RNF13: variants seen among roughly 807,000 people sequenced by gnomAD.
The protein encoded by RNF13 is ring finger protein 13.
RNF13 carries 19 observed loss-of-function variants against 37.7 expected under a neutral mutation model. The observed-to-expected ratio is 0.50, with a 90% CI of 0.35 to 0.74. RNF13 has a LOEUF of 0.74. Ranked by LOEUF, RNF13 falls within the 30% of genes least tolerant of loss-of-function variation. The probability of loss-of-function intolerance (pLI) is 0.01; values close to 1 mark genes in which losing one functional copy is unlikely to be tolerated. For synonymous variants in RNF13, 144 were observed against 157.8 expected, an observed-to-expected ratio of 0.91 and a Z score of 0.65; for missense variants, 375 against 453.0, an observed-to-expected ratio of 0.83 and a Z score of 1.56.
At chr3:149,812,931 C>T (rs554547843), upstream of RNF13, 72 of 152,784 alleles carry the variant, frequency 4.7e-4, no homozygotes, top group African/African-American at 1.7e-3. Flanking sequence ...CACAGCCAAT[C>T]CACTTTGCCA....
At chr3:149,868,609 C>T (rs1711609699) in intron 3 of RNF13, among the ~76,000 whole-genome samples, 2 of 151,344 alleles carry the variant, frequency 1.3e-5, no homozygotes, top group East Asian at 1.9e-4. Flanking sequence ...CTTCTCCTTC[C>T]CTCTCCTTTC....
intron 3 of RNF13, among the ~76,000 whole-genome samples, chr3:149,867,200 G>T (rs1464513666): frequency 1.3e-5 from 2 of 151,882 alleles, no homozygotes; most frequent in Non-Finnish European, 2.9e-5. Flanking sequence ...TGCATAAATA[G>T]TTATAATTGT....
chr3:149,860,268 A>ATATAT (rs1331068088), intron 3 of RNF13, among the ~76,000 whole-genome samples: 13 of 91,670 alleles, frequency 1.4e-4, no homozygotes, highest in Non-Finnish European at 2.0e-4. Flanking sequence ...AAAAAAAAAA[A>ATATAT]AAATATATAT....
At chr3:149,868,556 G>T (rs191304226) in intron 3 of RNF13, among the ~76,000 whole-genome samples, 4 of 149,416 alleles carry the variant, frequency 2.7e-5, no homozygotes, top group African/African-American at 9.8e-5. Flanking sequence ...TCTTTATTCC[G>T]ATCCTCTCCA....
chr3:149,956,042 G>A (rs567039933), intron 8 of RNF13, among the ~76,000 whole-genome samples: 8 of 152,236 alleles, frequency 5.3e-5, no homozygotes, highest in Middle Eastern at 6.8e-3. Context: ...CAAGGATGAA[G>A]CATGAATGAA....
chr3:149,924,589 T>A (rs1718456225), intron 8 of RNF13, among the ~76,000 whole-genome samples: 1 of 152,116 alleles, frequency 6.6e-6, no homozygotes, highest in African/African-American at 2.4e-5. Flanking sequence ...CTGCTGAACA[T>A]AAGTAAGATG....
chr3:149,839,439 A>C (rs1046463614), intron 1 of RNF13, among the ~76,000 whole-genome samples: 4 of 135,280 alleles, frequency 3.0e-5, no homozygotes, highest in Non-Finnish European at 6.3e-5. Context: ...GTAATTTATA[A>C]AGAAAAAGAG....
intron 4 of RNF13, 68 bp downstream of exon 4, chr3:149,872,222 C>A: frequency 2.0e-6 from 2 of 1,003,042 alleles, no homozygotes; most frequent in South Asian, 2.0e-5. Flanking sequence ...CATTTACATC[C>A]TCCCTTGTTT....
At chr3:149,915,154 G>T (rs1249908456) in intron 7 of RNF13, among the ~76,000 whole-genome samples, 1 of 152,024 alleles carries the variant, frequency 6.6e-6, no homozygotes, top group South Asian at 2.1e-4. Flanking sequence ...TATCATGTTT[G>T]TGTTGGGTTA....
At chr3:149,904,918 TAGATAG>T (rs998354017) in intron 6 of RNF13, among the ~76,000 whole-genome samples, 7 of 152,182 alleles carry the variant, frequency 4.6e-5, no homozygotes, top group African/African-American at 1.7e-4. Flanking sequence ...TATCCTTGAG[TAGATAG>T]AGATATTCTT....
intron 7 of RNF13, among the ~76,000 whole-genome samples, chr3:149,913,779 A>G (rs192454742): frequency 4.7e-4 from 71 of 152,240 alleles, no homozygotes; most frequent in African/African-American, 1.7e-3. Flanking sequence ...ATCACATCAT[A>G]TTTGAGGGTA....
chr3:149,866,161 G>T (rs1325776979), intron 3 of RNF13, among the ~76,000 whole-genome samples: 1 of 152,148 alleles, frequency 6.6e-6, no homozygotes, highest in Non-Finnish European at 1.5e-5. Context: ...AGGGTCGTTG[G>T]ATCTCACACA....
chr3:149,952,479 T>G (rs975020894), intron 8 of RNF13, among the ~76,000 whole-genome samples: 2 of 152,190 alleles, frequency 1.3e-5, no homozygotes, highest in African/African-American at 2.4e-5. Context: ...TAGATTAGGA[T>G]GTACATAAAT....
At position 149,863,161 on chromosome 3, in the gene RNF13, T is replaced by G. The variant is rs541638307; in HGVS notation, c.196-8868T>G. 6.6e-5 allele frequency among the ~76,000 whole-genome samples: 10 copies of G among 152,318 alleles called. No individual in the cohort carries two copies. The East Asian group carries it at 1.7e-3, about 26-fold the overall frequency. ...AGTTAGGATCTGACCATTTCCATCATTATGATCCCTTTAATCAGATTGATA... is the reference window on the plus strand; with the variant it reads ...AGTTAGGATCTGACCATTTCCATCAGTATGATCCCTTTAATCAGATTGATA... On this transcript the variant is annotated intron_variant, in intron 3 of 9. Coordinates refer to ENST00000392894, the MANE Select transcript of RNF13 (RefSeq NM_183381.3).
intron 6 of RNF13, among the ~76,000 whole-genome samples, chr3:149,906,561 A>G (rs538583075): frequency 6.6e-6 from 1 of 152,064 alleles, no homozygotes; most frequent in South Asian, 2.1e-4. Context: ...TTATATTCAT[A>G]AATTAATTTA....
rs558711428 is a variant in RNF13, at chr3:149,849,844, A to G, written c.115-2672A>G. Among the ~76,000 whole-genome samples the G allele has an allele frequency of 5.3e-5, 8 of 152,324 alleles. No homozygotes were observed. In the South Asian group the frequency reaches 1.7e-3, roughly 32 times the overall value. ...AGATATTTATTACTTTCTAAATTCAATTAAACCTTTTGTTAAGGAAGCTGT... is the reference window on the plus strand; with the variant it reads ...AGATATTTATTACTTTCTAAATTCAGTTAAACCTTTTGTTAAGGAAGCTGT... On this transcript the variant is annotated intron_variant, in intron 2 of 9. Coordinates refer to ENST00000392894, the MANE Select transcript of RNF13 (RefSeq NM_183381.3).
chr3:149,828,241 C>A (rs1720696730), intron 1 of RNF13, among the ~76,000 whole-genome samples: 1 of 152,104 alleles, frequency 6.6e-6, no homozygotes, highest in Admixed American at 6.5e-5. Context: ...TACTATTTTC[C>A]TGTGTTGTTT....
At chr3:149,874,227 TG>T (rs1712429009) in intron 4 of RNF13, among the ~76,000 whole-genome samples, 1 of 152,224 alleles carries the variant, frequency 6.6e-6, no homozygotes, top group Non-Finnish European at 1.5e-5. Flanking sequence ...TCCTTACTTA[TG>T]TCATTCCTAA....
intron 8 of RNF13, among the ~76,000 whole-genome samples, chr3:149,944,992 T>C (rs1220652093): frequency 1.3e-5 from 2 of 152,198 alleles, no homozygotes; most frequent in African/African-American, 4.8e-5. Context: ...TTGTATAAGG[T>C]ATAAGGAAGG....
Sources: gnomAD v4.1 joint callset for allele counts (sites outside exome capture counted in the v4.1 genomes callset) on GRCh38, gnomAD v4.1.1 for gene constraint, MANE v1.5 for transcripts, NCBI Gene and HGNC (gene_info 2026-07-23, HGNC 2026-07-21) for gene names.